The following MACROD2 variants were observed in gnomAD, a reference collection of about 807,000 sequenced individuals.
The protein encoded by MACROD2 is mono-ADP ribosylhydrolase 2, also known as ADP-ribose glycohydrolase MACROD2.
Under a neutral mutation model 70.4 loss-of-function variants are expected in MACROD2, and 36 were observed. The observed-to-expected ratio is 0.51, with a 90% CI of 0.39 to 0.68. MACROD2 has a LOEUF of 0.68. Among genes scored for constraint, MACROD2 ranks in the 30% least tolerant of loss-of-function variants. The pLI, the probability that MACROD2 is intolerant of heterozygous loss-of-function variation, is 0.00. For missense variants in MACROD2, 496 were observed against 538.4 expected (o/e 0.92, Z 0.78); for synonymous variants, 172 against 178.8 (o/e 0.96, Z 0.30).
At chr20:14,679,646 C>G (rs541303987) in intron 4 of MACROD2, among the ~76,000 whole-genome samples, 1 of 152,248 alleles carries the variant, frequency 6.6e-6, no homozygotes, top group Admixed American at 6.5e-5. Context: ...TGAGTTTGTA[C>G]ATATAGGGGT....
chr20:14,230,240 G>A (rs1387509397), intron 3 of MACROD2, among the ~76,000 whole-genome samples: 4 of 152,152 alleles, frequency 2.6e-5, no homozygotes, highest in Non-Finnish European at 4.4e-5. Flanking sequence ...TCTGTAGCAC[G>A]GGATGCTGTT....
In MACROD2 at chr20:14,424,151, G is replaced by A. The variant is rs1312639008; in HGVS notation, c.272-69328G>A. Among the ~76,000 whole-genome samples the A allele has an allele frequency of 3.3e-5, 5 of 152,124 alleles. 1 individual carries two copies. In the South Asian group the frequency reaches 6.2e-4, roughly 19 times the overall value. ...AAAGTAATTATACACAAACCAATAAGCTAAGAAAGAATGAAAGGAGTAATA... is the reference window on the plus strand; with the variant it reads ...AAAGTAATTATACACAAACCAATAAACTAAGAAAGAATGAAAGGAGTAATA... On this transcript the variant is annotated intron_variant, in intron 3 of 17. Transcript: ENST00000684519.
chr20:14,270,030 T>C (rs1328397491), intron 3 of MACROD2, among the ~76,000 whole-genome samples: 1 of 152,084 alleles, frequency 6.6e-6, no homozygotes, highest in African/African-American at 2.4e-5. Flanking sequence ...TTATATTCAA[T>C]AAAGAAATTA....
At chr20:15,004,025 C>T (rs1176763819) in intron 5 of MACROD2, among the ~76,000 whole-genome samples, 1 of 151,992 alleles carries the variant, frequency 6.6e-6, no homozygotes, top group Non-Finnish European at 1.5e-5. Context: ...TCATCTCCAC[C>T]CCAACAAATC....
At chr20:14,132,966 G>C (rs1261437956) in intron 3 of MACROD2, among the ~76,000 whole-genome samples, 1 of 152,062 alleles carries the variant, frequency 6.6e-6, no homozygotes, top group South Asian at 2.1e-4. Context: ...TAAAATGACT[G>C]TATCAGTCAG....
intron 3 of MACROD2, among the ~76,000 whole-genome samples, chr20:14,380,266 T>C (rs550397934): frequency 1.3e-5 from 2 of 152,276 alleles, no homozygotes; most frequent in East Asian, 3.9e-4. Flanking sequence ...GAAAAGTGTG[T>C]TCAAGCCCTT....
At chr20:15,415,515 G>A (rs149068345) in intron 6 of MACROD2, among the ~76,000 whole-genome samples, 2,143 of 152,258 alleles carry the variant, frequency 0.014, 23 homozygotes, top group Non-Finnish European at 0.02. Flanking sequence ...CACTTTAAAG[G>A]AATATAACAC....
chr20:15,957,144 C>G (rs1349615358), intron 12 of MACROD2, among the ~76,000 whole-genome samples: 1 of 151,980 alleles, frequency 6.6e-6, no homozygotes, highest in Non-Finnish European at 1.5e-5. Context: ...AGGGTAGTGG[C>G]TGGAAAGGAG....
intron 4 of MACROD2, among the ~76,000 whole-genome samples, chr20:14,640,681 AT>A (rs1301169285): frequency 6.6e-6 from 1 of 152,188 alleles, no homozygotes; most frequent in Non-Finnish European, 1.5e-5. Context: ...AAGTTATGCA[AT>A]TTTTTTGGTT....
intron 6 of MACROD2, among the ~76,000 whole-genome samples, chr20:15,243,545 A>C (rs2077078402): frequency 6.6e-6 from 1 of 152,114 alleles, no homozygotes; most frequent in Non-Finnish European, 1.5e-5. Context: ...ACAGGTCAAT[A>C]TATGTGGATC....
intron 5 of MACROD2, among the ~76,000 whole-genome samples, chr20:14,912,958 A>T (rs2074045915): frequency 6.6e-6 from 1 of 152,124 alleles, no homozygotes; most frequent in Admixed American, 6.6e-5. Flanking sequence ...TCATACACAT[A>T]AAGTATCCAG....
At chr20:15,957,673 G>A (rs2065997255) in intron 12 of MACROD2, among the ~76,000 whole-genome samples, 3 of 152,146 alleles carry the variant, frequency 2.0e-5, no homozygotes, top group Admixed American at 2.0e-4. Flanking sequence ...AGTCTCAAAA[G>A]GCATTCTGCC....
intron 6 of MACROD2, among the ~76,000 whole-genome samples, chr20:15,353,541 G>T (rs1250070967): frequency 6.6e-6 from 1 of 151,916 alleles, no homozygotes; most frequent in African/African-American, 2.4e-5. Context: ...CACAGCAAAA[G>T]AAACTAGCAT....
intron 8 of MACROD2, among the ~76,000 whole-genome samples, chr20:15,856,735 A>G (rs2064360963): frequency 6.6e-6 from 1 of 152,198 alleles, no homozygotes; most frequent in Non-Finnish European, 1.5e-5. Context: ...TTCTAAAAAT[A>G]TTAATGTTGT....
intron 3 of MACROD2, among the ~76,000 whole-genome samples, chr20:14,459,526 A>AG (rs199623393): frequency 0.021 from 3,257 of 152,190 alleles, 53 homozygotes; most frequent in Non-Finnish European, 0.034. Flanking sequence ...GTATGTATGT[A>AG]GGTAGGTATC....
intron 8 of MACROD2, among the ~76,000 whole-genome samples, chr20:15,643,427 C>T (rs2049492420): frequency 6.6e-6 from 1 of 152,092 alleles, no homozygotes; most frequent in African/African-American, 2.4e-5. Flanking sequence ...CTATAATGTC[C>T]TCTCCTTCAT....
At chr20:15,377,313 A>G (rs1009317772) in intron 6 of MACROD2, among the ~76,000 whole-genome samples, 10 of 152,082 alleles carry the variant, frequency 6.6e-5, no homozygotes, top group African/African-American at 1.9e-4. Context: ...TCCACAGGGG[A>G]AAAAAAGGAA....
chr20:15,120,635 G>A (rs1448551466), intron 5 of MACROD2, among the ~76,000 whole-genome samples: 1 of 152,102 alleles, frequency 6.6e-6, no homozygotes, highest in African/African-American at 2.4e-5. Flanking sequence ...TTAAAATAAG[G>A]ATTAAAACCA....
intron 8 of MACROD2, among the ~76,000 whole-genome samples, chr20:15,650,853 A>G (rs953146838): frequency 6.6e-6 from 1 of 152,210 alleles, no homozygotes; most frequent in Non-Finnish European, 1.5e-5. Context: ...ACACCTTTTC[A>G]GAAGACTGAA....
Sources: gnomAD v4.1 joint callset for allele counts (sites outside exome capture counted in the v4.1 genomes callset) on GRCh38, gnomAD v4.1.1 for gene constraint, MANE v1.5 for transcripts, NCBI Gene and HGNC (gene_info 2026-07-23, HGNC 2026-07-21) for gene names.